DOCK1: variants seen among roughly 807,000 people sequenced by gnomAD.
The protein encoded by DOCK1 is dedicator of cytokinesis 1.
In DOCK1, 138 loss-of-function variants were observed where a neutral mutation model predicts 262.7. That is an observed-to-expected ratio of 0.53 (90% CI 0.46 to 0.61). DOCK1 has a LOEUF of 0.61. Ranked by LOEUF, DOCK1 falls within the 20% of genes least tolerant of loss-of-function variation. DOCK1 has a pLI of 0.00. For synonymous variants in DOCK1, 866 were observed against 867.4 expected (o/e 1.00, Z 0.03); for missense variants, 1,908 against 2,370.7 (o/e 0.80, Z 4.05).
chr10:127,052,576 A>T (rs1459723978), intron 21 of DOCK1, 105 bp from the exon 22 acceptor site: 1 of 1,513,874 alleles, frequency 6.6e-7, no homozygotes, highest in African/African-American at 1.4e-5. Context: ...ATACTGATAG[A>T]TGGAAACCAA....
At chr10:126,906,310 G>C (rs2030810236) in intron 1 of DOCK1, among the ~76,000 whole-genome samples, 1 of 152,184 alleles carries the variant, frequency 6.6e-6, no homozygotes, top group South Asian at 2.1e-4. Context: ...TCCTGAGAGG[G>C]AGGCTTTCCC....
At position 126,970,717 on chromosome 10, in the gene DOCK1, A is replaced by T. The variant is rs2038039353; in HGVS notation, c.62A>T (p.Asp21Val). 9 of 1,612,508 alleles carry T rather than the reference A, an allele frequency of 5.6e-6. No individual in the cohort carries two copies. Among genetic ancestry groups the T allele is most frequent in the Non-Finnish European group, 7.6e-6 (9 of 1,178,816 alleles). Reference sequence around the variant, plus strand: ...TTCATCACAGCTTTTTATAACTATGATGCCAGAGGAGCGGATGAACTTTCT... The same window carrying T: ...TTCATCACAGCTTTTTATAACTATGTTGCCAGAGGAGCGGATGAACTTTCT... ...EKYGVAFYNY[D>V]ARGADELSLQ... The change falls in exon 2 of 52, where the codon GAT becomes GTT. Residue 21 changes from aspartate to valine, a missense_variant. By Grantham distance (152) the Asp-to-Val change is radical (BLOSUM62 -3). Transcript: ENST00000623213.
intron 29 of DOCK1, among the ~76,000 whole-genome samples, chr10:127,302,443 C>T (rs1564976877): frequency 6.6e-6 from 1 of 152,124 alleles, no homozygotes; most frequent in African/African-American, 2.4e-5. Flanking sequence ...GATTCTGTGT[C>T]ACAGCCACCT....
chr10:127,223,706 A>G (rs1436247101), intron 27 of DOCK1, among the ~76,000 whole-genome samples: 1 of 152,238 alleles, frequency 6.6e-6, no homozygotes. Context: ...TCAAGCATCA[A>G]GTGAAAGCTA....
intron 49 of DOCK1, among the ~76,000 whole-genome samples, chr10:127,440,283 TCTG>T (rs1024335289): frequency 1.4e-4 from 22 of 151,936 alleles, no homozygotes; most frequent in African/African-American, 5.1e-4. Context: ...TCACGAGAGA[TCTG>T]CTCCCAGGAC....
chr10:127,018,883 C>A, intron 13 of DOCK1, 48 bp downstream of exon 13: 3 of 1,604,654 alleles, frequency 1.9e-6, no homozygotes, highest in South Asian at 1.1e-5. Context: ...TGGGGGTAGC[C>A]GGCCACGGAG....
chr10:126,915,430 C>T (rs1289745305), intron 1 of DOCK1, among the ~76,000 whole-genome samples: 7 of 120,924 alleles, frequency 5.8e-5, no homozygotes, highest in African/African-American at 1.5e-4. Flanking sequence ...TTTTTGGGGG[C>T]GGGGGGGGGA....
chr10:127,230,231 T>C (rs1265167089), intron 27 of DOCK1, among the ~76,000 whole-genome samples: 1 of 152,192 alleles, frequency 6.6e-6, no homozygotes, highest in African/African-American at 2.4e-5. Flanking sequence ...TTCACTCTGG[T>C]GATTGTTCCT....
chr10:127,305,651 C>T (rs370951915), intron 29 of DOCK1, among the ~76,000 whole-genome samples: 4 of 152,138 alleles, frequency 2.6e-5, no homozygotes, highest in South Asian at 4.1e-4. Context: ...TGTACTCAAG[C>T]CTCAACACAG....
At chr10:127,137,651 G>A in intron 27 of DOCK1, 1 of 495,630 alleles carries the variant, frequency 2.0e-6, no homozygotes, top group Non-Finnish European at 3.5e-6. Context: ...GGCAAGGAGT[G>A]ACACAGAATA....
chr10:127,087,744 C>A (rs1349868348), intron 23 of DOCK1, among the ~76,000 whole-genome samples: 6 of 152,020 alleles, frequency 3.9e-5, no homozygotes, highest in Non-Finnish European at 7.4e-5. Context: ...GACCATTTAC[C>A]CGAAGTAGAA....
rs534890134 is a variant in DOCK1 at position 127,155,488 on chromosome 10, G to A, written c.2847+27724G>A. Among the ~76,000 whole-genome samples the A allele has an allele frequency of 1.7e-3, 254 of 152,186 alleles. 2 individuals are homozygous for A. Among genetic ancestry groups the A allele is most frequent in the African/African-American group, 5.9e-3 (247 of 41,528 alleles). ...TTTCCATCATCACCTCCCACATGAG[G>A]TGCCTTTGGAACCCCACAGCAGGCC... On this transcript the variant is annotated intron_variant, in intron 27 of 51. Coordinates refer to ENST00000623213, the MANE Select transcript of DOCK1 (RefSeq NM_001290223.2).
rs963210414 is a variant in DOCK1, at chr10:126,941,382, G to T, written c.47-29320G>T. Among the ~76,000 whole-genome samples, 24 of 146,906 alleles carry T rather than the reference G, an allele frequency of 1.6e-4. No individual in the cohort carries two copies. In the South Asian group the frequency reaches 5.3e-3, roughly 32 times the overall value. On this transcript the variant is annotated intron_variant, in intron 1 of 51. Transcript: ENST00000623213. ...TTCTGATGAAATATTTCATTTCATG[G>T]TGCTAGTTTTAACTTTAGTCTTTTA...
chr10:127,415,472 G>A (rs1037526249), intron 44 of DOCK1, among the ~76,000 whole-genome samples: 2 of 152,188 alleles, frequency 1.3e-5, no homozygotes, highest in South Asian at 4.1e-4. Context: ...CAAAAAACCA[G>A]AATGAAGATT....
chr10:127,132,927 C>T (rs2050411934), intron 27 of DOCK1, among the ~76,000 whole-genome samples: 1 of 152,158 alleles, frequency 6.6e-6, no homozygotes, highest in Non-Finnish European at 1.5e-5. Context: ...TCCCTTTGAA[C>T]ATTGACAGAA....
chr10:127,142,592 A>G (rs1423870646), intron 27 of DOCK1, among the ~76,000 whole-genome samples: 1 of 152,200 alleles, frequency 6.6e-6, no homozygotes, highest in East Asian at 1.9e-4. Context: ...AGTCAAACAC[A>G]GGCTGTAGAT....
chr10:127,367,099 C>G (rs1374399667), intron 33 of DOCK1, among the ~76,000 whole-genome samples: 2 of 152,142 alleles, frequency 1.3e-5, no homozygotes, highest in Admixed American at 6.5e-5. Flanking sequence ...GAAGAAAAAC[C>G]TGCTATTTTA....
At chr10:127,103,291 T>G (rs2048355782) in intron 23 of DOCK1, among the ~76,000 whole-genome samples, 1 of 152,180 alleles carries the variant, frequency 6.6e-6, no homozygotes, top group Non-Finnish European at 1.5e-5. Context: ...ACGTGCCAAG[T>G]CAATGTGCTG....
intron 27 of DOCK1, among the ~76,000 whole-genome samples, chr10:127,228,616 A>T (rs555787566): frequency 6.6e-6 from 1 of 152,306 alleles, no homozygotes; most frequent in East Asian, 1.9e-4. Context: ...GGTGGTGAGC[A>T]GCCACGAGGC....
Sources: gnomAD v4.1 joint callset for allele counts (sites outside exome capture counted in the v4.1 genomes callset) on GRCh38, gnomAD v4.1.1 for gene constraint, MANE v1.5 for transcripts, NCBI Gene and HGNC (gene_info 2026-07-23, HGNC 2026-07-21) for gene names.